The following MCTP1 variants were observed in gnomAD, a reference collection of about 807,000 sequenced individuals.
The protein encoded by MCTP1 is multiple C2 and transmembrane domain containing 1, also known as multiple C2 and transmembrane domain-containing protein 1.
Under a neutral mutation model 120.6 loss-of-function variants are expected in MCTP1, and 69 were observed. That is an observed-to-expected ratio of 0.57 (90% CI 0.47 to 0.70). The LOEUF is 0.70. Ranked by LOEUF, MCTP1 falls within the 30% of genes least tolerant of loss-of-function variation. MCTP1 has a pLI of 0.00. For missense variants in MCTP1, 1,203 were observed against 1,248.8 expected (o/e 0.96, Z 0.55); for synonymous variants, 529 against 493.1 (o/e 1.07, Z -0.96).
chr5:95,016,089 C>G (rs1234640895), intron 2 of MCTP1, among the ~76,000 whole-genome samples: 1 of 152,108 alleles, frequency 6.6e-6, no homozygotes, highest in African/African-American at 2.4e-5. Context: ...TCCTTAGCTA[C>G]TAAACCAGAC....
At chr5:95,044,071 C>T (rs1842779345) in intron 1 of MCTP1, among the ~76,000 whole-genome samples, 1 of 152,178 alleles carries the variant, frequency 6.6e-6, no homozygotes, top group South Asian at 2.1e-4. Flanking sequence ...CTATCCTTCT[C>T]TGCACATGGG....
Position 95,017,398 on chromosome 5 carries a change from C to T in MCTP1, c.807G>A (p.Arg269=), listed in dbSNP as rs756723919. The stretch of plus-strand genomic sequence containing the variant: ...GATCTCGAGCAGCTAAACTTTGACC[C>T]CTTCTTAATGTAATGTCCAGCTGGT... ...GMYQLDITLR[R]GQSLAARDRG... is the part of the protein sequence containing the mutation. Residue 269 remains arginine (R), a synonymous_variant, in exon 2 of 23, where the codon AGG becomes AGA. Transcript: ENST00000515393. 3 of 1,609,256 alleles carry T rather than the reference C, an allele frequency of 1.9e-6. No individual in the cohort carries two copies. The East Asian group carries it at 6.7e-5, about 36-fold the overall frequency.
intron 2 of MCTP1, among the ~76,000 whole-genome samples, chr5:95,009,772 CA>C (rs1835547770): frequency 1.3e-5 from 2 of 152,032 alleles, no homozygotes; most frequent in Admixed American, 1.3e-4. Context: ...GTCAGACTAC[CA>C]AAGATCACGT....
At position 94,707,376 on chromosome 5, in the gene MCTP1, C is replaced by T. The variant is rs898639772; in HGVS notation, c.*120G>A. ...TTTGTACACTATTTACAGATTCTCT[C>T]GATCATGATAAAAAGGCAAAATAAA... On this transcript the variant is annotated 3_prime_UTR_variant, in exon 23 of 23. Transcript: ENST00000515393. 1.4e-6 allele frequency: 1 copy of T among 716,526 alleles called. No individual in the cohort carries two copies. Among genetic ancestry groups the T allele is most frequent in the Non-Finnish European group, 2.4e-6 (1 of 419,180 alleles). The allele number at this position is 716,526 out of a possible 1,614,324, so 44.4% of individuals were successfully genotyped here.
chr5:95,230,909 C>T (rs1377389598), intron 1 of MCTP1, among the ~76,000 whole-genome samples: 1 of 151,928 alleles, frequency 6.6e-6, no homozygotes, highest in Non-Finnish European at 1.5e-5. Flanking sequence ...AAAAACTTCC[C>T]ATCGTTTAGA....
At chr5:94,882,680 T>G (rs1179595158) in intron 12 of MCTP1, among the ~76,000 whole-genome samples, 1 of 152,198 alleles carries the variant, frequency 6.6e-6, no homozygotes, top group Non-Finnish European at 1.5e-5. Flanking sequence ...TTTTGTAATC[T>G]TTGTTCTACA....
chr5:94,878,165 G>T (rs1341885913), intron 12 of MCTP1, among the ~76,000 whole-genome samples: 1 of 151,956 alleles, frequency 6.6e-6, no homozygotes, highest in Non-Finnish European at 1.5e-5. Flanking sequence ...ATAGAAACTG[G>T]AATTTCAATC....
intron 1 of MCTP1, among the ~76,000 whole-genome samples, chr5:95,153,162 G>A (rs1042325594): frequency 1.2e-4 from 18 of 152,128 alleles, no homozygotes; most frequent in Non-Finnish European, 4.4e-5. Flanking sequence ...GATCATGGGG[G>A]TGGTTCTCCC....
intron 1 of MCTP1, among the ~76,000 whole-genome samples, chr5:95,248,209 A>G (rs1187028078): frequency 6.6e-6 from 1 of 152,178 alleles, no homozygotes; most frequent in African/African-American, 2.4e-5. Context: ...AGGGTATTCG[A>G]CTAGGAAAAG....
chr5:95,138,940 T>A (rs577234009), intron 1 of MCTP1, among the ~76,000 whole-genome samples: 9 of 152,236 alleles, frequency 5.9e-5, no homozygotes, highest in Non-Finnish European at 1.2e-4. Context: ...TTCATTTAGA[T>A]CTGTTTCTCT....
intron 1 of MCTP1, among the ~76,000 whole-genome samples, chr5:95,022,502 T>A (rs1025151068): frequency 6.6e-6 from 1 of 152,190 alleles, no homozygotes; most frequent in Non-Finnish European, 1.5e-5. Context: ...TCATTTTAAA[T>A]TATGAACCTT....
At chr5:94,818,740 C>T (rs1784995813) in intron 17 of MCTP1, among the ~76,000 whole-genome samples, 1 of 152,194 alleles carries the variant, frequency 6.6e-6, no homozygotes, top group African/African-American at 2.4e-5. Context: ...TTAAAACTGT[C>T]TCTAATCCAA....
intron 2 of MCTP1, among the ~76,000 whole-genome samples, chr5:94,970,267 TATA>T (rs1382688561): frequency 6.6e-6 from 1 of 151,854 alleles, no homozygotes; most frequent in East Asian, 1.9e-4. Flanking sequence ...GTATCCCAAA[TATA>T]ACATGAATAA....
chr5:94,914,618 T>C (rs939252628), intron 8 of MCTP1, among the ~76,000 whole-genome samples: 4 of 152,360 alleles, frequency 2.6e-5, no homozygotes, highest in African/African-American at 9.6e-5. Context: ...ACGCAGGCTT[T>C]TGTCTACATA....
chr5:94,976,277 C>G (rs573766199), intron 2 of MCTP1, among the ~76,000 whole-genome samples: 39 of 152,110 alleles, frequency 2.6e-4, no homozygotes, highest in African/African-American at 5.3e-4. Context: ...ATGGCAAAAC[C>G]CTGTCTCTAC....
At chr5:94,808,416 T>C (rs1782782460) in intron 17 of MCTP1, among the ~76,000 whole-genome samples, 1 of 152,326 alleles carries the variant, frequency 6.6e-6, no homozygotes, top group East Asian at 1.9e-4. Flanking sequence ...TAGCAGGGAA[T>C]TGATGACTAC....
At chr5:94,782,883 C>CG (rs1776866802) in intron 18 of MCTP1, among the ~76,000 whole-genome samples, 1 of 152,022 alleles carries the variant, frequency 6.6e-6, no homozygotes, top group Non-Finnish European at 1.5e-5. Context: ...TTACGAAGTT[C>CG]GGTTTTTTCT....
chr5:95,058,153 C>T (rs1433833298), intron 1 of MCTP1, among the ~76,000 whole-genome samples: 3 of 152,154 alleles, frequency 2.0e-5, no homozygotes, highest in Non-Finnish European at 4.4e-5. Context: ...CGGCTCGTTG[C>T]TCTTAGTCTA....
intron 5 of MCTP1, among the ~76,000 whole-genome samples, chr5:94,935,619 T>C (rs926585222): frequency 6.6e-6 from 1 of 152,056 alleles, no homozygotes; most frequent in African/African-American, 2.4e-5. Context: ...CAAAGTTTTA[T>C]CAACACAGGC....
Sources: allele counts gnomAD v4.1 joint callset (sites outside exome capture counted in the v4.1 genomes callset), GRCh38; gene constraint gnomAD v4.1.1; transcripts MANE v1.5; gene names NCBI Gene and HGNC (gene_info 2026-07-23, HGNC 2026-07-21).